DAB1: variants seen among roughly 807,000 people sequenced by gnomAD.
DAB1 encodes DAB adaptor protein 1, also known as disabled homolog 1.
DAB1 carries 15 observed loss-of-function variants against 64.6 expected under a neutral mutation model. That is an observed-to-expected ratio of 0.23 (90% CI 0.16 to 0.36). DAB1 has a LOEUF of 0.36. Among genes scored for constraint, DAB1 ranks in the 10% least tolerant of loss-of-function variants. The probability of loss-of-function intolerance (pLI) is 1.00; values close to 1 mark genes in which losing one functional copy is unlikely to be tolerated. For missense variants in DAB1, 596 were observed against 706.7 expected, an observed-to-expected ratio of 0.84 and a Z score of 1.78; for synonymous variants, 235 against 251.9, an observed-to-expected ratio of 0.93 and a Z score of 0.64.
At chr1:57,101,827 CTT>C (rs1654710150) in intron 4 of DAB1, among the ~76,000 whole-genome samples, 1 of 152,196 alleles carries the variant, frequency 6.6e-6, no homozygotes, top group African/African-American at 2.4e-5. Flanking sequence ...ACAGTTCTAA[CTT>C]TATGAGACAG....
intron 3 of DAB1, among the ~76,000 whole-genome samples, chr1:58,432,243 CT>C (rs1644886598): frequency 6.6e-6 from 1 of 152,182 alleles, no homozygotes; most frequent in Non-Finnish European, 1.5e-5. Flanking sequence ...GAACCCTCCC[CT>C]AGACACTCCA....
chr1:57,072,155 G>T, intron 5 of DAB1, 128 bp downstream of exon 5: 1 of 1,007,204 alleles, frequency 9.9e-7, no homozygotes, highest in Non-Finnish European at 1.5e-6. Context: ...GGGAATGTGA[G>T]CATCAACTTC....
intron 3 of DAB1, among the ~76,000 whole-genome samples, chr1:58,461,660 G>C (rs1370212273): frequency 1.3e-5 from 2 of 152,212 alleles, no homozygotes; most frequent in African/African-American, 4.8e-5. Context: ...TATGGAGCCA[G>C]CAAGTGTGGA....
chr1:57,170,931 G>T (rs1661692518), intron 2 of DAB1, among the ~76,000 whole-genome samples: 1 of 152,172 alleles, frequency 6.6e-6, no homozygotes, highest in Admixed American at 6.6e-5. Flanking sequence ...TTGCTCTGCA[G>T]GGTCCTGGCT....
At chr1:57,644,216 G>A (rs11801131) in intron 7 of DAB1, among the ~76,000 whole-genome samples, 45,741 of 152,030 alleles carry the variant, frequency 0.3, 7,172 homozygotes, top group Admixed American at 0.36. Context: ...AAGTTCAAAA[G>A]AGGCGAGAAA....
At chr1:57,608,687 CACAG>C (rs558509842) in intron 7 of DAB1, among the ~76,000 whole-genome samples, 13 of 152,172 alleles carry the variant, frequency 8.5e-5, no homozygotes, top group Non-Finnish European at 1.2e-4. Context: ...ATTCCCATTA[CACAG>C]ACAGGGAAAT....
chr1:57,431,147 A>C (rs1467124048), intron 7 of DAB1, among the ~76,000 whole-genome samples: 8 of 151,402 alleles, frequency 5.3e-5, no homozygotes, highest in Non-Finnish European at 1.0e-4. Context: ...CAAAAACAAA[A>C]AAAAAAAAAA....
At chr1:58,250,638 C>G (rs757324486) in intron 4 of DAB1, among the ~76,000 whole-genome samples, 65 of 152,334 alleles carry the variant, frequency 4.3e-4, no homozygotes, top group Non-Finnish European at 7.2e-4. Context: ...CCTGACCGAC[C>G]TGGCCTGAAT....
chr1:57,526,729 T>C (rs1644597958), intron 7 of DAB1, among the ~76,000 whole-genome samples: 1 of 152,208 alleles, frequency 6.6e-6, no homozygotes, highest in South Asian at 2.1e-4. Context: ...GTGATAGAAC[T>C]TGTGAATGTT....
At chr1:57,907,665 T>C (rs1644573420) in intron 5 of DAB1, among the ~76,000 whole-genome samples, 1 of 151,992 alleles carries the variant, frequency 6.6e-6, no homozygotes, top group African/African-American at 2.4e-5. Context: ...CAGCAATTAG[T>C]TGGCAGCATC....
intron 1 of DAB1, among the ~76,000 whole-genome samples, chr1:57,389,587 C>G (rs1570430129): frequency 6.6e-6 from 1 of 152,068 alleles, no homozygotes; most frequent in East Asian, 1.9e-4. Flanking sequence ...ATCCTAACAT[C>G]CTTCTGGGTC....
At chr1:57,287,452 T>A (rs1331941895) in intron 2 of DAB1, among the ~76,000 whole-genome samples, 1 of 152,182 alleles carries the variant, frequency 6.6e-6, no homozygotes, top group African/African-American at 2.4e-5. Context: ...TAAGGACATT[T>A]ATTATCACTA....
intron 2 of DAB1, among the ~76,000 whole-genome samples, chr1:57,255,552 T>C (rs1669698576): frequency 1.3e-5 from 2 of 151,986 alleles, no homozygotes; most frequent in South Asian, 4.2e-4. Context: ...TCCAGCTATT[T>C]GGGAGGCTGA....
intron 7 of DAB1, among the ~76,000 whole-genome samples, chr1:57,518,537 G>A (rs1406808268): frequency 1.3e-5 from 2 of 152,178 alleles, no homozygotes; most frequent in Non-Finnish European, 2.9e-5. Context: ...TGAAATGTCT[G>A]GTGCAATAAA....
At chr1:57,441,690 G>A (rs1205227366) in intron 7 of DAB1, among the ~76,000 whole-genome samples, 1 of 152,086 alleles carries the variant, frequency 6.6e-6, no homozygotes, top group Non-Finnish European at 1.5e-5. Flanking sequence ...CCATTGATGG[G>A]CACCTAGTTT....
chr1:57,056,100 A>G (rs983332482), intron 9 of DAB1, among the ~76,000 whole-genome samples: 1 of 152,164 alleles, frequency 6.6e-6, no homozygotes, highest in Non-Finnish European at 1.5e-5. Flanking sequence ...ACTCAAATTC[A>G]CAAAGCTAGA....
At chr1:58,394,332 A>G (rs1285638835) in intron 3 of DAB1, among the ~76,000 whole-genome samples, 2 of 152,242 alleles carry the variant, frequency 1.3e-5, no homozygotes, top group African/African-American at 4.8e-5. Flanking sequence ...AGATACACTT[A>G]CCATATAACA....
intron 7 of DAB1, among the ~76,000 whole-genome samples, chr1:57,640,896 T>C (rs977448256): frequency 3.9e-5 from 6 of 152,174 alleles, no homozygotes; most frequent in Non-Finnish European, 7.3e-5. Flanking sequence ...TTTTCCTGAA[T>C]GCACTTATAG....
At chr1:58,094,297 G>A (rs764153500) in intron 5 of DAB1, among the ~76,000 whole-genome samples, 7 of 152,216 alleles carry the variant, frequency 4.6e-5, no homozygotes, top group East Asian at 1.9e-4. Context: ...CCAACTCTCC[G>A]AATTAAATAT....
Sources: allele counts gnomAD v4.1 joint callset (sites outside exome capture counted in the v4.1 genomes callset), GRCh38; gene constraint gnomAD v4.1.1; transcripts MANE v1.5; gene names NCBI Gene and HGNC (gene_info 2026-07-23, HGNC 2026-07-21).